BMPR1B: variants seen among roughly 807,000 people sequenced by gnomAD.
BMPR1B encodes the protein bone morphogenetic protein receptor type 1B.
Under a neutral mutation model 59.1 loss-of-function variants are expected in BMPR1B, and 12 were observed. That is an observed-to-expected ratio of 0.20 (90% CI 0.13 to 0.33). The LOEUF is 0.33. BMPR1B is among the 10% of genes least tolerant of loss of function. The pLI is 1.00. For missense variants in BMPR1B, 550 were observed against 610.9 expected (o/e 0.90, Z 1.05); for synonymous variants, 237 against 207.3 (o/e 1.14, Z -1.23).
Position 95,152,790 on chromosome 4 carries a change from C to T in BMPR1B, c.1383+17C>T, listed in dbSNP as rs1288401006. On this transcript the variant is annotated intron_variant, in intron 12 of 12. Transcript: ENST00000515059. ...AGTGATGAGGTAAGGCTTGAGGTAA[C>T]CATGTGGCTGTGACAGACTTCTAAA... is the stretch of plus-strand genomic sequence containing the variant. The T allele has an allele frequency of 1.2e-6, 2 of 1,611,578 alleles. No homozygotes were observed. The highest frequency in any genetic ancestry group is 1.7e-5 in the Admixed American group (1 of 59,770).
intron 3 of BMPR1B, among the ~76,000 whole-genome samples, chr4:95,068,670 A>C (rs1407023879): frequency 6.6e-6 from 1 of 152,302 alleles, no homozygotes; most frequent in South Asian, 2.1e-4. Context: ...TGGGTTGGCT[A>C]TACTTGGACT....
At chr4:95,050,021 A>T (rs1456462752) in intron 3 of BMPR1B, among the ~76,000 whole-genome samples, 1 of 152,074 alleles carries the variant, frequency 6.6e-6, no homozygotes, top group African/African-American at 2.4e-5. Flanking sequence ...GAGCTGTCCC[A>T]CATTTCAGCT....
chr4:94,929,847 C>G (rs1024414692), intron 2 of BMPR1B, among the ~76,000 whole-genome samples: 1 of 152,032 alleles, frequency 6.6e-6, no homozygotes, highest in Non-Finnish European at 1.5e-5. Context: ...TCCCATGTCC[C>G]AAGCTAACCT....
rs1226673438 is a variant in BMPR1B at position 95,134,757 on chromosome 4, G to GAT, written c.1076+3246_1076+3247dup. On this transcript the variant is annotated intron_variant, in intron 10 of 12. Coordinates refer to ENST00000515059, the MANE Select transcript of BMPR1B (RefSeq NM_001203.3). ...TTGTTTGAGTTCTTTGTAGATTCTGGATTAGCCCTTTGTCAGATGAGTAGA... is the reference window on the plus strand; with the variant it reads ...TTGTTTGAGTTCTTTGTAGATTCTGGATATTAGCCCTTTGTCAGATGAGTAGA... Among the ~76,000 whole-genome samples, 18 of 152,152 alleles carry GAT rather than the reference G, an allele frequency of 1.2e-4. No homozygotes were observed. In the East Asian group the frequency reaches 3.5e-3, roughly 29 times the overall value.
chr4:94,811,247 G>A (rs57978667), intron 1 of BMPR1B, among the ~76,000 whole-genome samples: 20,191 of 152,160 alleles, frequency 0.13, 1,416 homozygotes, highest in South Asian at 0.23. Flanking sequence ...CAAGGACCCA[G>A]GCTAATTTCA....
intron 3 of BMPR1B, among the ~76,000 whole-genome samples, chr4:95,084,990 G>T (rs1010754900): frequency 3.9e-5 from 6 of 152,100 alleles, no homozygotes; most frequent in Admixed American, 3.3e-4. Context: ...TATTGAAAGA[G>T]CTGGTGCCCG....
chr4:95,102,926 T>C (rs1431405546), intron 3 of BMPR1B, among the ~76,000 whole-genome samples: 1 of 152,146 alleles, frequency 6.6e-6, no homozygotes, highest in Non-Finnish European at 1.5e-5. Context: ...GGCTCGCCTC[T>C]GACCTACAGA....
chr4:94,932,500 T>C (rs370006188), intron 2 of BMPR1B, among the ~76,000 whole-genome samples: 3 of 152,260 alleles, frequency 2.0e-5, no homozygotes, highest in African/African-American at 7.2e-5. Flanking sequence ...TGATATTTTT[T>C]TGGAGAAACT....
intron 1 of BMPR1B, among the ~76,000 whole-genome samples, chr4:94,852,069 A>C (rs1194322050): frequency 6.6e-6 from 1 of 151,514 alleles, no homozygotes; most frequent in African/African-American, 2.4e-5. Flanking sequence ...TGCTAAAGGC[A>C]AACACATTTT....
intron 3 of BMPR1B, among the ~76,000 whole-genome samples, chr4:95,007,374 T>G (rs547886261): frequency 6.6e-5 from 10 of 152,212 alleles, no homozygotes; most frequent in Non-Finnish European, 1.5e-4. Context: ...TTTGCCTTGC[T>G]CTGCTTTTCA....
chr4:94,946,688 T>A (rs985267676), intron 2 of BMPR1B, among the ~76,000 whole-genome samples: 1 of 152,166 alleles, frequency 6.6e-6, no homozygotes, highest in Non-Finnish European at 1.5e-5. Flanking sequence ...CAACATTAGG[T>A]AAATATTCTA....
At chr4:95,062,783 A>G (rs974779209) in intron 3 of BMPR1B, among the ~76,000 whole-genome samples, 15 of 152,172 alleles carry the variant, frequency 9.9e-5, no homozygotes, top group Admixed American at 6.5e-5. Context: ...TTGCTGTAGA[A>G]TGTTTTAGAA....
At chr4:95,065,294 G>C (rs1337204567) in intron 3 of BMPR1B, among the ~76,000 whole-genome samples, 4 of 152,114 alleles carry the variant, frequency 2.6e-5, no homozygotes, top group African/African-American at 7.2e-5. Context: ...AGAGAGGCGT[G>C]GGGGCATAGA....
At chr4:95,052,722 C>T (rs1490320269) in intron 3 of BMPR1B, among the ~76,000 whole-genome samples, 1 of 152,018 alleles carries the variant, frequency 6.6e-6, no homozygotes, top group Non-Finnish European at 1.5e-5. Flanking sequence ...TGTGGCTTGG[C>T]CCTACGGAAA....
Position 95,088,256 on chromosome 4 carries a change from C to A in BMPR1B, c.-17-16152C>A, listed in dbSNP as rs185788288. 1.2e-4 allele frequency among the ~76,000 whole-genome samples: 19 copies of A among 152,258 alleles called. No individual in the cohort carries two copies. In the East Asian group the frequency reaches 3.7e-3, roughly 29 times the overall value. ...TCCTGAAGTGAGTCAGCATTATCAG[C>A]TAGAGTCTCCATGTCATAACTAATG... On this transcript the variant is annotated intron_variant, in intron 3 of 12. Transcript: ENST00000515059.
chr4:94,848,630 A>T (rs2148944435), intron 1 of BMPR1B, among the ~76,000 whole-genome samples: 1 of 24,772 alleles, frequency 4.0e-5, no homozygotes, highest in South Asian at 2.2e-3. Flanking sequence ...TGACATGGAA[A>T]GTCATTGGAA....
chr4:95,053,731 A>G (rs924825655), intron 3 of BMPR1B, among the ~76,000 whole-genome samples: 5 of 152,096 alleles, frequency 3.3e-5, no homozygotes, highest in Admixed American at 3.3e-4. Flanking sequence ...TGATTTTCCC[A>G]GCTTTGTCAC....
intron 1 of BMPR1B, among the ~76,000 whole-genome samples, chr4:94,800,438 G>A (rs1034293829): frequency 6.6e-6 from 1 of 150,522 alleles, no homozygotes; most frequent in Non-Finnish European, 1.5e-5. Context: ...ATATTTTAGG[G>A]TCTTTACTAT....
At chr4:95,010,115 G>A (rs1330251063) in intron 3 of BMPR1B, among the ~76,000 whole-genome samples, 2 of 152,158 alleles carry the variant, frequency 1.3e-5, no homozygotes, top group African/African-American at 4.8e-5. Context: ...TTGGCTAAAT[G>A]CTGGTATGAT....
Sources: allele counts gnomAD v4.1 joint callset (sites outside exome capture counted in the v4.1 genomes callset), GRCh38; gene constraint gnomAD v4.1.1; transcripts MANE v1.5; gene names NCBI Gene and HGNC (gene_info 2026-07-23, HGNC 2026-07-21).